RASSF3: variants seen among roughly 807,000 people sequenced by gnomAD.
The protein encoded by RASSF3 is Ras association domain family member 3.
A neutral mutation model predicts 19.9 loss-of-function variants in RASSF3; 19 were observed. That is an observed-to-expected ratio of 0.96 (90% confidence interval 0.67 to 1.40). The LOEUF is 1.40. Ranked by LOEUF, RASSF3 falls within the 40% of genes most tolerant of loss-of-function variation. The pLI is 0.00. For synonymous variants in RASSF3, 110 were observed against 104.2 expected (o/e 1.06, Z -0.34); for missense variants, 306 against 289.8 (o/e 1.06, Z -0.41).
At chr12:64,591,012 C>A (rs1429174181) in intron 2 of RASSF3, among the ~76,000 whole-genome samples, 2 of 152,162 alleles carry the variant, frequency 1.3e-5, no homozygotes, top group Non-Finnish European at 2.9e-5. Context: ...ACAGCGAAAC[C>A]TTATCTTTGA....
At chr12:64,577,838 G>A (rs1392420568) in intron 2 of RASSF3, among the ~76,000 whole-genome samples, 1 of 152,216 alleles carries the variant, frequency 6.6e-6, no homozygotes, top group Non-Finnish European at 1.5e-5. Context: ...TTGTGGACAA[G>A]AGACTTTTTC....
intron 1 of RASSF3, among the ~76,000 whole-genome samples, chr12:64,672,549 G>T (rs1157376631): frequency 1.3e-5 from 2 of 151,924 alleles, no homozygotes; most frequent in African/African-American, 4.8e-5. Flanking sequence ...TGAGAGATAG[G>T]ATCTTGCTCT....
At chr12:64,631,798 C>T (rs1026318498) in intron 1 of RASSF3, among the ~76,000 whole-genome samples, 1 of 152,096 alleles carries the variant, frequency 6.6e-6, no homozygotes, top group Admixed American at 6.6e-5. Context: ...TCGTCTCAAC[C>T]TCCTGACCTC....
chr12:64,567,208 A>G (rs1031102313), intron 2 of RASSF3, among the ~76,000 whole-genome samples: 2 of 152,146 alleles, frequency 1.3e-5, no homozygotes, highest in South Asian at 2.1e-4. Flanking sequence ...TTTTGCCTGA[A>G]CATAAGAGGA....
chr12:64,559,235 C>CTTCTTTCT (rs1404086137), intron 2 of RASSF3, among the ~76,000 whole-genome samples: 11 of 146,912 alleles, frequency 7.5e-5, no homozygotes, highest in South Asian at 2.2e-4. Flanking sequence ...ATTTTCTTTT[C>CTTCTTTCT]TTCTTTTTTT....
In RASSF3 at chr12:64,539,512, T is replaced by C. The variant is rs553966809; in HGVS notation, c.68-2069T>C. On this transcript the variant is annotated intron_variant, in intron 1 of 1. Transcript: ENST00000636333. ...AATTTCTTGCCTGGGTGCGGTGGCT[T>C]ATATCTGTAGTCCCAGCACCTTGGG... is the stretch of plus-strand genomic sequence containing the variant. Among the ~76,000 whole-genome samples, 5 of 152,166 alleles carry C rather than the reference T, an allele frequency of 3.3e-5. No homozygotes were observed. The East Asian group carries it at 9.7e-4, about 29-fold the overall frequency.
At chr12:64,681,491 G>C (rs549299342) in intron 1 of RASSF3, among the ~76,000 whole-genome samples, 1 of 152,292 alleles carries the variant, frequency 6.6e-6, no homozygotes, top group African/African-American at 2.4e-5. Context: ...TTGCAGGTGT[G>C]GTGCACTTTC....
At chr12:64,539,576 G>C (rs1359140320) in intron 1 of RASSF3, among the ~76,000 whole-genome samples, 1 of 152,120 alleles carries the variant, frequency 6.6e-6, no homozygotes, top group African/African-American at 2.4e-5. Context: ...AGGAGTTCAA[G>C]ACCAGCCTAG....
chr12:64,658,214 T>A (rs1872226523), intron 1 of RASSF3, among the ~76,000 whole-genome samples: 1 of 151,868 alleles, frequency 6.6e-6, no homozygotes, highest in Non-Finnish European at 1.5e-5. Context: ...ACAGACATAT[T>A]TTTTTTTAAA....
At chr12:64,560,949 C>T (rs558493007) in intron 2 of RASSF3, among the ~76,000 whole-genome samples, 81 of 152,220 alleles carry the variant, frequency 5.3e-4, no homozygotes, top group African/African-American at 1.8e-3. Flanking sequence ...AGCCAAAGTC[C>T]GTCATTAAAA....
intron 1 of RASSF3, chr12:64,611,521 G>A (rs1870364238): frequency 2.0e-5 from 3 of 152,270 alleles, no homozygotes; most frequent in Non-Finnish European, 4.4e-5. Context: ...TTTTTGGGAG[G>A]CCTTCCCGAA....
intron 2 of RASSF3, among the ~76,000 whole-genome samples, chr12:64,558,559 C>T (rs1405746918): frequency 6.6e-6 from 1 of 151,978 alleles, no homozygotes; most frequent in Non-Finnish European, 1.5e-5. Context: ...TATCAGAGCC[C>T]GGTAAAATGT....
intron 1 of RASSF3, among the ~76,000 whole-genome samples, chr12:64,663,840 CTTTTT>C (rs34450092): frequency 8.2e-5 from 6 of 73,072 alleles, no homozygotes; most frequent in East Asian, 4.0e-4. Context: ...TTAGCCTTGC[CTTTTT>C]TTTTTTTTTT....
chr12:64,619,708 G>C (rs926971484), intron 1 of RASSF3, among the ~76,000 whole-genome samples: 1 of 152,050 alleles, frequency 6.6e-6, no homozygotes, highest in Non-Finnish European at 1.5e-5. Flanking sequence ...GTTGCCAGGC[G>C]TGGTGGCTCA....
At chr12:64,517,183 G>A (rs1346600481) in intron 1 of RASSF3, among the ~76,000 whole-genome samples, 1 of 151,432 alleles carries the variant, frequency 6.6e-6, no homozygotes, top group Non-Finnish European at 1.5e-5. Flanking sequence ...AACCTAACAA[G>A]ACATGTATAA....
At chr12:64,675,052 C>CCCCCCCCCCCCCCCCCCCCCCCCCG (rs1555215878) in intron 1 of RASSF3, among the ~76,000 whole-genome samples, 1 of 102,622 alleles carries the variant, frequency 9.7e-6, no homozygotes, top group Non-Finnish European at 2.2e-5. Flanking sequence ...CTAGCCCCCC[C>CCCCCCCCCCCCCCCCCCCCCCCCCG]CCCCCCCGCC....
intron 1 of RASSF3, among the ~76,000 whole-genome samples, chr12:64,662,666 A>G (rs907157928): frequency 1.3e-5 from 2 of 152,174 alleles, no homozygotes; most frequent in African/African-American, 4.8e-5. Context: ...CTGCGTGTGT[A>G]TATGTGTGTT....
intron 1 of RASSF3, among the ~76,000 whole-genome samples, chr12:64,522,015 T>G (rs1882268): frequency 1.2e-4 from 19 of 152,104 alleles, no homozygotes; most frequent in Non-Finnish European, 2.2e-4. Context: ...ACAACGCTCA[T>G]CTTGTGAAGC....
intron 2 of RASSF3, among the ~76,000 whole-genome samples, chr12:64,552,613 G>A (rs1024590202): frequency 2.5e-4 from 38 of 152,122 alleles, no homozygotes; most frequent in African/African-American, 8.7e-4. Context: ...ACTTATAAGT[G>A]AGAACATGTG....
Sources: gnomAD v4.1 joint callset for allele counts (sites outside exome capture counted in the v4.1 genomes callset) on GRCh38, gnomAD v4.1.1 for gene constraint, MANE v1.5 for transcripts, NCBI Gene and HGNC (gene_info 2026-07-23, HGNC 2026-07-21) for gene names.